Variants in TXNRD2 observed in about 807,000 individuals in gnomAD.
TXNRD2 encodes the protein thioredoxin reductase 2, mitochondrial.
Under a neutral mutation model 70.8 loss-of-function variants are expected in TXNRD2, and 67 were observed. The ratio of observed to expected loss-of-function variants is 0.95; its 90% confidence interval spans 0.78 to 1.16. The LOEUF is 1.16. Among genes scored for constraint, TXNRD2 ranks in the 50% most tolerant of loss-of-function variants. The probability of loss-of-function intolerance (pLI) is 0.00; values close to 1 mark genes in which losing one functional copy is unlikely to be tolerated. For missense variants in TXNRD2, 644 were observed against 719.9 expected, an observed-to-expected ratio of 0.89 and a Z score of 1.21; for synonymous variants, 301 against 295.8, an observed-to-expected ratio of 1.02 and a Z score of -0.18.
At chr22:19,931,693 G>A (rs1300654737) in intron 1 of TXNRD2, among the ~76,000 whole-genome samples, 2 of 152,076 alleles carry the variant, frequency 1.3e-5, no homozygotes, top group African/African-American at 4.8e-5. Flanking sequence ...TGTAGAGATG[G>A]GGTCTGGCTA....
At chr22:19,898,861 C>T (rs776462011) in intron 9 of TXNRD2, among the ~76,000 whole-genome samples, 188 bp downstream of exon 9, 18 of 152,186 alleles carry the variant, frequency 1.2e-4, no homozygotes, top group Admixed American at 5.2e-4. Context: ...GAAGAGCCTC[C>T]AGGAATCCCT....
At chr22:19,888,999 G>A (rs1467542638) in intron 11 of TXNRD2, among the ~76,000 whole-genome samples, 2 of 151,500 alleles carry the variant, frequency 1.3e-5, no homozygotes, top group African/African-American at 2.4e-5. Context: ...AGGTCCCATC[G>A]AGACGCCATG....
At chr22:19,913,941 T>C (rs1378757583) in intron 7 of TXNRD2, among the ~76,000 whole-genome samples, 1 of 152,164 alleles carries the variant, frequency 6.6e-6, no homozygotes. Flanking sequence ...AGTGGCCACA[T>C]ACATCAAAGA....
At chr22:19,896,363 T>TAAA (rs1264446886) in intron 10 of TXNRD2, among the ~76,000 whole-genome samples, 1 of 151,952 alleles carries the variant, frequency 6.6e-6, no homozygotes, top group African/African-American at 2.4e-5. Flanking sequence ...CACATTTCTT[T>TAAA]AAAAAACAAA....
chr22:19,918,440 G>A (rs989974047), intron 4 of TXNRD2, among the ~76,000 whole-genome samples: 4 of 152,210 alleles, frequency 2.6e-5, no homozygotes, highest in Admixed American at 2.0e-4. Flanking sequence ...TCTGACCCAC[G>A]GCTCTCCAGA....
chr22:19,906,695 T>TCTCAGGAGAGTGTGGGCACACCATGGG (rs1940031199), intron 8 of TXNRD2, among the ~76,000 whole-genome samples: 1 of 152,126 alleles, frequency 6.6e-6, no homozygotes, highest in African/African-American at 2.4e-5. Flanking sequence ...ACAGAAAAAC[T>TCTCAGGAGAGTGTGGGCACACCATGGG]TAAAATTTCT....
chr22:19,891,077 A>G (rs891124638), intron 11 of TXNRD2, among the ~76,000 whole-genome samples: 3 of 152,232 alleles, frequency 2.0e-5, no homozygotes, highest in Non-Finnish European at 4.4e-5. Context: ...CCCATGCTCC[A>G]TGCATGTTGT....
intron 2 of TXNRD2, among the ~76,000 whole-genome samples, chr22:19,927,105 C>G (rs1005839723): frequency 6.6e-6 from 1 of 151,796 alleles, no homozygotes; most frequent in African/African-American, 2.4e-5. Context: ...ACCAGCCTGG[C>G]CAACATGGTG....
chr22:19,885,662 C>T lies in TXNRD2; in HGVS notation c.950-2201G>A, dbSNP rs2073751. Among the ~76,000 whole-genome samples, 139 of 152,338 alleles carry T rather than the reference C, an allele frequency of 9.1e-4. 2 individuals are homozygous for T. In the East Asian group the frequency reaches 0.019, roughly 21 times the overall value. On this transcript the variant is annotated intron_variant, in intron 11 of 17. Coordinates refer to ENST00000400521, the MANE Select transcript of TXNRD2 (RefSeq NM_006440.5). Reference sequence around the variant, plus strand: ...TCACGCTCAGCCGTCTGGTCCCTCTCCAACCTGGTGTCCAGCCCACCAGGC... The same window carrying T: ...TCACGCTCAGCCGTCTGGTCCCTCTTCAACCTGGTGTCCAGCCCACCAGGC...
chr22:19,890,046 T>C (rs2145955751), intron 11 of TXNRD2, among the ~76,000 whole-genome samples: 1 of 152,244 alleles, frequency 6.6e-6, no homozygotes, highest in African/African-American at 2.4e-5. Context: ...GACATAAGTG[T>C]GAACTAGCCC....
chr22:19,910,934 A>T (rs55887811), intron 8 of TXNRD2: 2 of 280,122 alleles, frequency 7.1e-6, no homozygotes, highest in Non-Finnish European at 1.4e-5. Context: ...AATTAGCCAG[A>T]TGTGGTGGTG....
At chr22:19,909,926 C>T in intron 8 of TXNRD2, among the ~76,000 whole-genome samples, 1 of 123,100 alleles carries the variant, frequency 8.1e-6, no homozygotes, top group Non-Finnish European at 1.7e-5. Context: ...CCTTCACACA[C>T]ACACACCACT....
intron 2 of TXNRD2, among the ~76,000 whole-genome samples, chr22:19,928,157 C>T (rs7287604): frequency 0.23 from 34,466 of 151,134 alleles, 4,452 homozygotes; most frequent in African/African-American, 0.35. Flanking sequence ...CAAAATGCTG[C>T]TAAAAGAAAT....
intron 2 of TXNRD2, among the ~76,000 whole-genome samples, chr22:19,925,262 C>T (rs556748930): frequency 3.3e-5 from 5 of 151,586 alleles, no homozygotes; most frequent in African/African-American, 7.3e-5. Flanking sequence ...CCAGCCTGGG[C>T]GACAGAGCAA....
chr22:19,923,541 T>C (rs531057921), intron 2 of TXNRD2, among the ~76,000 whole-genome samples: 2 of 152,136 alleles, frequency 1.3e-5, no homozygotes, highest in South Asian at 2.1e-4. Context: ...AATCCCAGCA[T>C]TTTGGGAGGC....
intron 2 of TXNRD2, among the ~76,000 whole-genome samples, chr22:19,928,879 G>T (rs868760459): frequency 1.3e-5 from 2 of 151,802 alleles, no homozygotes; most frequent in African/African-American, 4.8e-5. Context: ...GGTGGCAGGC[G>T]CCTGTAATCC....
intron 2 of TXNRD2, among the ~76,000 whole-genome samples, chr22:19,925,091 T>C (rs546501858): frequency 2.0e-5 from 3 of 151,280 alleles, no homozygotes; most frequent in Non-Finnish European, 2.9e-5. Flanking sequence ...GAGACCATCC[T>C]GGCTAACACG....
intron 16 of TXNRD2, 80 bp downstream of exon 16, chr22:19,878,010 G>T: frequency 8.4e-7 from 1 of 1,192,530 alleles, no homozygotes; most frequent in Non-Finnish European, 1.2e-6. Flanking sequence ...AGTGGCAGCA[G>T]CTCTCCACTG....
chr22:19,938,059 C>A (rs934927527), intron 1 of TXNRD2: 2 of 152,216 alleles, frequency 1.3e-5, no homozygotes, highest in East Asian at 3.8e-4. Flanking sequence ...GGCAGCAGGG[C>A]GGTCGATCTC....
Sources: allele counts gnomAD v4.1 joint callset (sites outside exome capture counted in the v4.1 genomes callset), GRCh38; gene constraint gnomAD v4.1.1; transcripts MANE v1.5; gene names NCBI Gene and HGNC (gene_info 2026-07-23, HGNC 2026-07-21).